USP6NL: variants seen among roughly 807,000 people sequenced by gnomAD.
USP6NL encodes the protein USP6 N-terminal-like protein.
A neutral mutation model predicts 61.9 loss-of-function variants in USP6NL; 26 were observed. The observed-to-expected ratio is 0.42, with a 90% CI of 0.31 to 0.58. The LOEUF (loss-of-function observed/expected upper bound fraction) is 0.58. USP6NL is among the 20% of genes least tolerant of loss of function. USP6NL has a pLI of 0.16. For synonymous variants in USP6NL, 432 were observed against 390.1 expected, an observed-to-expected ratio of 1.11 and a Z score of -1.27; for missense variants, 1,114 against 1,034.3, an observed-to-expected ratio of 1.08 and a Z score of -1.06.
rs142649349 is a variant in USP6NL, at chr10:11,528,128, GACACACACACAC to G, written c.5-573_5-562del. The stretch of plus-strand genomic sequence containing the variant: ...ACATATGTGTGTGGACACACACACA[GACACACACACAC>G]ACACACACACACACACACACCCTTC... On this transcript the variant is annotated intron_variant, in intron 2 of 14. Transcript: ENST00000609104. The surrounding 1 kb of genome is among the most constrained non-coding windows in gnomAD (Gnocchi z 4.6). Among the ~76,000 whole-genome samples the G allele has an allele frequency of 3.5e-5, 5 of 142,176 alleles. No individual in the cohort carries two copies. Among genetic ancestry groups the G allele is most frequent in the African/African-American group, 1.0e-4 (4 of 38,392 alleles). 93.3% of individuals were successfully genotyped at this position (142,176 alleles called of 152,430 possible).
chr10:11,512,772 A>C (rs536132013), intron 5 of USP6NL, among the ~76,000 whole-genome samples: 15 of 152,324 alleles, frequency 9.8e-5, no homozygotes, highest in Middle Eastern at 3.4e-3. Context: ...CCTAGGTCAA[A>C]TGTCCAACGC....
intron 2 of USP6NL, among the ~76,000 whole-genome samples, chr10:11,530,871 A>G (rs1053433288): frequency 1.3e-5 from 2 of 152,266 alleles, no homozygotes; most frequent in Admixed American, 6.5e-5. Flanking sequence ...AAGTTTATTA[A>G]GAATTACACT....
In USP6NL at chr10:11,482,516, G is replaced by T. The variant is rs557849007; in HGVS notation, c.926-594C>A. ...ACATAACACCCTACAGGTAGATCCA[G>T]GTATTTACAAGTGTTTATGTATATC... On this transcript the variant is annotated intron_variant, in intron 13 of 14. Transcript: ENST00000609104. The surrounding 1 kb of genome is among the most constrained non-coding windows in gnomAD (Gnocchi z 4.0). Among the ~76,000 whole-genome samples the T allele has an allele frequency of 6.6e-6, 1 of 152,258 alleles. No homozygotes were observed. The highest frequency in any genetic ancestry group is 1.9e-4 in the East Asian group (1 of 5,186).
chr10:11,498,910 T>C (rs1200893904), intron 7 of USP6NL, among the ~76,000 whole-genome samples: 1 of 152,190 alleles, frequency 6.6e-6, no homozygotes, highest in East Asian at 1.9e-4. Context: ...TATTATTAAA[T>C]ATTTCTATGC....
rs1412928708 is a variant in USP6NL, at chr10:11,499,841, T to G, written c.384+1260A>C. On this transcript the variant is annotated intron_variant, in intron 7 of 14. Coordinates refer to ENST00000609104, the MANE Select transcript of USP6NL (RefSeq NM_014688.5). The surrounding 1 kb of genome is among the most constrained non-coding windows in gnomAD (Gnocchi z 4.5). The stretch of plus-strand genomic sequence containing the variant: ...TTTTGAGCCGCTTAGTTTGTGGTAC[T>G]TGGTTACAGCAGCCCTAAATGAATA... 6.6e-6 allele frequency among the ~76,000 whole-genome samples: 1 copy of G among 152,246 alleles called. No individual in the cohort carries two copies. The highest frequency in any genetic ancestry group is 2.4e-5 in the African/African-American group (1 of 41,468).
intron 7 of USP6NL, among the ~76,000 whole-genome samples, chr10:11,497,644 T>A (rs1833993787): frequency 6.6e-6 from 1 of 151,914 alleles, no homozygotes; most frequent in Non-Finnish European, 1.5e-5. Flanking sequence ...AAATCCATCA[T>A]AAAAAAGGCC....
At chr10:11,552,013 A>G (rs1024570247) in intron 2 of USP6NL, among the ~76,000 whole-genome samples, 1 of 152,146 alleles carries the variant, frequency 6.6e-6, no homozygotes, top group Non-Finnish European at 1.5e-5. Context: ...ATAATATAGT[A>G]TTTATATATT....
intron 2 of USP6NL, among the ~76,000 whole-genome samples, chr10:11,552,875 G>C (rs1238114475): frequency 6.6e-6 from 1 of 151,998 alleles, no homozygotes; most frequent in Non-Finnish European, 1.5e-5. Flanking sequence ...TTGCTACATG[G>C]ATATATTGTG....
At position 11,525,067 on chromosome 10, in the gene USP6NL, A is replaced by T. The variant is rs1050236775; in HGVS notation, c.155+319T>A. 6.6e-6 allele frequency among the ~76,000 whole-genome samples: 1 copy of T among 152,232 alleles called. No individual in the cohort carries two copies. Among genetic ancestry groups the T allele is most frequent in the Non-Finnish European group, 1.5e-5 (1 of 68,026 alleles). On this transcript the variant is annotated intron_variant, in intron 4 of 14. Transcript: ENST00000609104. The surrounding 1 kb of genome is among the most constrained non-coding windows in gnomAD (Gnocchi z 5.0). ...CTATTTATTTTTAAAATGCGCTGGTACAGAATGAAATGTTTTATAATTATT... is the reference window on the plus strand; with the variant it reads ...CTATTTATTTTTAAAATGCGCTGGTTCAGAATGAAATGTTTTATAATTATT...
intron 2 of USP6NL, among the ~76,000 whole-genome samples, chr10:11,543,837 G>T (rs140019896): frequency 2.2e-3 from 248 of 110,344 alleles, no homozygotes; most frequent in African/African-American, 7.4e-3. Flanking sequence ...TTTTGAGATG[G>T]AGTCTCGCTG....
Position 11,571,649 on chromosome 10 carries a change from T to A in USP6NL, c.4+25982A>T, listed in dbSNP as rs536428107. Among the ~76,000 whole-genome samples, 5 of 147,536 alleles carry A rather than the reference T, an allele frequency of 3.4e-5. No homozygotes were observed. The East Asian group carries it at 7.8e-4, about 23-fold the overall frequency. On this transcript the variant is annotated intron_variant, in intron 2 of 14. Coordinates refer to ENST00000609104, the MANE Select transcript of USP6NL (RefSeq NM_014688.5). Reference sequence around the variant, plus strand: ...CATATCATATTTTAAAGAACTGAATTTTTTTTTTTAAATTCTCTTCTTAGG... The same window carrying A: ...CATATCATATTTTAAAGAACTGAATATTTTTTTTTAAATTCTCTTCTTAGG...
In USP6NL at chr10:11,561,447, G is replaced by C. The variant is rs1255524496; in HGVS notation, c.5-33880C>G. ...TGCACAAGAACATATACGAACACAC[G>C]CATATGTATAAGGCACACAACAGAA... is the stretch of plus-strand genomic sequence containing the variant. On this transcript the variant is annotated intron_variant, in intron 2 of 14. Transcript: ENST00000609104. The surrounding 1 kb of genome is among the most constrained non-coding windows in gnomAD (Gnocchi z 4.1). 6.6e-6 allele frequency among the ~76,000 whole-genome samples: 1 copy of C among 152,110 alleles called. No homozygotes were observed.
At chr10:11,466,368 A>G (rs1236069181) in intron 14 of USP6NL, among the ~76,000 whole-genome samples, 9 of 152,180 alleles carry the variant, frequency 5.9e-5, no homozygotes, top group African/African-American at 2.2e-4. Context: ...TTTAGAGACA[A>G]TGTTTCCCAA....
rs1043841016 is a variant in USP6NL, at chr10:11,540,362, C to T, written c.5-12795G>A. ...TCTGGAAACATGTAAAAATTTGACA[C>T]AATAATCATCAAATGACACTGAACT... On this transcript the variant is annotated intron_variant, in intron 2 of 14. Transcript: ENST00000609104. This position sits in a 1 kb window ranked among gnomAD's most constrained non-coding sequence, Gnocchi z 5.0. Among the ~76,000 whole-genome samples the T allele has an allele frequency of 6.6e-6, 1 of 152,186 alleles. No individual in the cohort carries two copies. The highest frequency in any genetic ancestry group is 2.4e-5 in the African/African-American group (1 of 41,444).
intron 2 of USP6NL, among the ~76,000 whole-genome samples, chr10:11,577,778 G>A (rs1214679860): frequency 6.6e-6 from 1 of 151,940 alleles, no homozygotes; most frequent in Non-Finnish European, 1.5e-5. Flanking sequence ...TGGGATTACA[G>A]GTGTGAGCCA....
At position 11,490,935 on chromosome 10, in the gene USP6NL, A is replaced by G; in HGVS notation, c.495-55T>C. On this transcript the variant is annotated intron_variant, in intron 8 of 14. Transcript: ENST00000609104. This position sits in a 1 kb window ranked among gnomAD's most constrained non-coding sequence, Gnocchi z 4.5. ...TTTAGTAATTTCACATATTTTAAAA[A>G]TTACAAACTTAAAAAAATAAACCAA... 1 of 1,438,156 alleles carries G rather than the reference A, an allele frequency of 7.0e-7. No individual in the cohort carries two copies. Among genetic ancestry groups the G allele is most frequent in the Non-Finnish European group, 9.3e-7 (1 of 1,071,050 alleles). 89.1% of individuals were successfully genotyped at this position (1,438,156 alleles called of 1,614,324 possible). A position where few individuals can be genotyped will look rare whatever the true frequency, so the allele number is the denominator to read the frequency against.
chr10:11,488,536 T>C (rs1360195198), intron 10 of USP6NL, among the ~76,000 whole-genome samples: 2 of 152,240 alleles, frequency 1.3e-5, no homozygotes, highest in East Asian at 3.8e-4. Flanking sequence ...TATTAAATAA[T>C]CGAGTGCCTA....
chr10:11,502,897 C>T (rs903082278), intron 6 of USP6NL, among the ~76,000 whole-genome samples: 2 of 152,142 alleles, frequency 1.3e-5, no homozygotes, highest in African/African-American at 4.8e-5. Flanking sequence ...CATGCGATCA[C>T]TTTAACTGGA....
At chr10:11,530,989 T>C (rs1835633650) in intron 2 of USP6NL, among the ~76,000 whole-genome samples, 1 of 152,248 alleles carries the variant, frequency 6.6e-6, no homozygotes. Flanking sequence ...ACAGCTGTCT[T>C]GTGTCTGTGT....
Sources: gnomAD v4.1 joint callset for allele counts (sites outside exome capture counted in the v4.1 genomes callset) on GRCh38, gnomAD v4.1.1 for gene constraint, Gnocchi (gnomAD v3.1) non-coding constraint, MANE v1.5 for transcripts, NCBI Gene and HGNC (gene_info 2026-07-23, HGNC 2026-07-21) for gene names.